The following RIC1 variants were observed in gnomAD, a reference collection of about 807,000 sequenced individuals.
RIC1 encodes the protein RIC1 partner of RAB6A GEF complex.
In RIC1, 88 loss-of-function variants were observed where a neutral mutation model predicts 169.0. The observed-to-expected ratio is 0.52, with a 90% CI of 0.44 to 0.62. The LOEUF (loss-of-function observed/expected upper bound fraction) is 0.62, where lower values mean the gene tolerates loss of function less well. Ranked by LOEUF, RIC1 falls within the 20% of genes least tolerant of loss-of-function variation. The pLI is 0.00. For missense variants in RIC1, 1,877 were observed against 1,725.5 expected, an observed-to-expected ratio of 1.09 and a Z score of -1.56; for synonymous variants, 790 against 601.5, an observed-to-expected ratio of 1.31 and a Z score of -4.59.
intron 6 of RIC1, among the ~76,000 whole-genome samples, chr9:5,725,672 T>C (rs1234954894): frequency 6.6e-6 from 1 of 152,224 alleles, no homozygotes; most frequent in Non-Finnish European, 1.5e-5. Flanking sequence ...TTTAGATCTT[T>C]CGTGCTTTCT....
At chr9:5,768,520 C>T (rs1033796633) in intron 21 of RIC1, among the ~76,000 whole-genome samples, 12 of 152,070 alleles carry the variant, frequency 7.9e-5, no homozygotes, top group African/African-American at 2.9e-4. Flanking sequence ...ATTGTGAAAC[C>T]TTGTCATTTA....
In RIC1 at chr9:5,763,945, A is replaced by C. The variant is rs1474750432; in HGVS notation, c.2841+77A>C. ...AAAAATAGAAATGTCCTGTTTTGACACCATGATTGTGTTTAAGGAATTCAT... is the reference window on the plus strand; with the variant it reads ...AAAAATAGAAATGTCCTGTTTTGACCCCATGATTGTGTTTAAGGAATTCAT... On this transcript the variant is annotated intron_variant, in intron 19 of 25. Coordinates refer to ENST00000414202, the MANE Select transcript of RIC1 (RefSeq NM_020829.4). The surrounding 1 kb of genome is among the most constrained non-coding windows in gnomAD (Gnocchi z 5.2). 7 of 1,452,954 alleles carry C rather than the reference A, an allele frequency of 4.8e-6. No individual in the cohort carries two copies. In the African/African-American group the frequency reaches 9.9e-5, roughly 21 times the overall value. 90.0% of individuals were successfully genotyped at this position (1,452,954 alleles called of 1,614,324 possible). A position where few individuals can be genotyped will look rare whatever the true frequency, so the allele number is the denominator to read the frequency against.
Position 5,691,778 on chromosome 9 carries a change from AAAC to A in RIC1, c.332+1746_332+1748del, listed in dbSNP as rs1196971136. ...CCTATAAATAAAAAGCAGTAATCAG[AAAC>A]AACAATTTAACTCCATTAATTTATG... On this transcript the variant is annotated intron_variant, in intron 3 of 25. Transcript: ENST00000414202. 4.6e-5 allele frequency among the ~76,000 whole-genome samples: 7 copies of A among 152,140 alleles called. No individual in the cohort carries two copies. In the South Asian group the frequency reaches 1.0e-3, roughly 23 times the overall value.
chr9:5,713,412 T>C (rs1167851161), intron 3 of RIC1: 1 of 152,394 alleles, frequency 6.6e-6, no homozygotes, highest in African/African-American at 2.4e-5. Flanking sequence ...CATCTCCTAA[T>C]TGCACCCTTG....
rs1240843850 is a variant in RIC1, at chr9:5,713,978, C to T, written c.415C>T (p.Leu139=). 3 of 1,612,040 alleles carry T rather than the reference C, an allele frequency of 1.9e-6. No homozygotes were observed. Among genetic ancestry groups the T allele is most frequent in the Non-Finnish European group, 2.5e-6 (3 of 1,178,794 alleles). ...ATTAAATTTGGAGATGAGGAAAATACTGGATTTACAAGCACCCATCATGAG... is the reference window on the plus strand; with the variant it reads ...ATTAAATTTGGAGATGAGGAAAATATTGGATTTACAAGCACCCATCATGAG... ...PALNLEMRKI[L]DLQAPIMSLQ... is the part of the protein sequence containing the mutation. The change falls in exon 4 of 26, where the codon CTG becomes TTG. Residue 139 remains leucine, a synonymous_variant. Coordinates refer to ENST00000414202, the MANE Select transcript of RIC1 (RefSeq NM_020829.4).
At chr9:5,746,153 T>C (rs1176140414) in intron 11 of RIC1, 70 bp downstream of exon 11, 12 of 1,228,190 alleles carry the variant, frequency 9.8e-6, no homozygotes, top group Non-Finnish European at 1.4e-5. Context: ...CTTTATGACA[T>C]ATGTATGGCG....
intron 1 of RIC1, among the ~76,000 whole-genome samples, chr9:5,644,610 A>G (rs555190610): frequency 6.6e-6 from 1 of 152,228 alleles, no homozygotes; most frequent in East Asian, 1.9e-4. Flanking sequence ...TTGTTGCTGA[A>G]TATTTTTCCA....
Position 5,745,928 on chromosome 9 carries a change from A to G in RIC1, c.1096-3A>G. 1.2e-6 allele frequency: 2 copies of G among 1,610,922 alleles called. No individual in the cohort carries two copies. Among genetic ancestry groups the G allele is most frequent in the Non-Finnish European group, 1.7e-6 (2 of 1,177,700 alleles). On this transcript the variant is annotated splice_region_variant and splice_polypyrimidine_tract_variant and intron_variant, in intron 10 of 25. Transcript: ENST00000414202. ...TTTTTTTCTCCCTCCTCTTCTCTCTAAGAGCTGGGGTGCAGAAGGCTATCA... is the reference window on the plus strand; with the variant it reads ...TTTTTTTCTCCCTCCTCTTCTCTCTGAGAGCTGGGGTGCAGAAGGCTATCA...
chr9:5,697,510 A>T (rs1284826259), intron 3 of RIC1, among the ~76,000 whole-genome samples: 1 of 152,226 alleles, frequency 6.6e-6, no homozygotes, highest in Non-Finnish European at 1.5e-5. Flanking sequence ...AACAATTTTC[A>T]GTCTTTTTCC....
intron 3 of RIC1, among the ~76,000 whole-genome samples, chr9:5,707,818 G>A (rs929046340): frequency 3.9e-5 from 6 of 152,036 alleles, no homozygotes; most frequent in East Asian, 1.9e-4. Context: ...TGGTTTATTC[G>A]AATCCATTCT....
intron 17 of RIC1, among the ~76,000 whole-genome samples, chr9:5,762,183 T>C (rs965693425): frequency 1.3e-5 from 2 of 152,242 alleles, no homozygotes; most frequent in African/African-American, 4.8e-5. Context: ...GTCTTCCTCA[T>C]CTGTCAGGTT....
intron 3 of RIC1, among the ~76,000 whole-genome samples, chr9:5,710,372 C>A (rs1362492191): frequency 6.6e-6 from 1 of 152,156 alleles, no homozygotes; most frequent in Non-Finnish European, 1.5e-5. Flanking sequence ...CCTCTTTACC[C>A]TGCTTGGCTC....
intron 12 of RIC1, among the ~76,000 whole-genome samples, chr9:5,751,968 T>A (rs1190341244): frequency 6.6e-6 from 1 of 152,250 alleles, no homozygotes; most frequent in Non-Finnish European, 1.5e-5. Context: ...AAAATAAATT[T>A]GAACAGATCG....
chr9:5,701,592 TA>T (rs113165668), intron 3 of RIC1, among the ~76,000 whole-genome samples: 52,522 of 143,538 alleles, frequency 0.37, 14,078 homozygotes, highest in African/African-American at 0.77. Flanking sequence ...AGACTCCATT[TA>T]AAAAAAAAAA....
At chr9:5,638,502 AC>A (rs928136438) in intron 1 of RIC1, among the ~76,000 whole-genome samples, 2 of 152,204 alleles carry the variant, frequency 1.3e-5, no homozygotes, top group African/African-American at 4.8e-5. Flanking sequence ...ACTTTTTATT[AC>A]AGGTTCAATC....
At chr9:5,759,128 AG>A in intron 17 of RIC1, among the ~76,000 whole-genome samples, 1 of 152,198 alleles carries the variant, frequency 6.6e-6, no homozygotes, top group Admixed American at 6.5e-5. Flanking sequence ...AATGGTAACC[AG>A]TTAGTCCTAA....
At chr9:5,759,739 G>A (rs1826216781) in intron 17 of RIC1, among the ~76,000 whole-genome samples, 1 of 152,116 alleles carries the variant, frequency 6.6e-6, no homozygotes, top group Non-Finnish European at 1.5e-5. Flanking sequence ...GAAGTAAAAT[G>A]GGTAGCATGT....
chr9:5,728,359 C>G (rs779464869), intron 6 of RIC1, among the ~76,000 whole-genome samples: 1 of 152,258 alleles, frequency 6.6e-6, no homozygotes. Context: ...AGGATATAAT[C>G]TCCTGGTGTG....
chr9:5,650,064 A>G (rs961150145), intron 1 of RIC1, among the ~76,000 whole-genome samples: 7 of 152,180 alleles, frequency 4.6e-5, no homozygotes, highest in African/African-American at 1.4e-4. Flanking sequence ...CTTGGGCACC[A>G]GTGGTGGCAG....
Sources: gnomAD v4.1 joint callset for allele counts (sites outside exome capture counted in the v4.1 genomes callset) on GRCh38, gnomAD v4.1.1 for gene constraint, Gnocchi (gnomAD v3.1) non-coding constraint, MANE v1.5 for transcripts, NCBI Gene and HGNC (gene_info 2026-07-23, HGNC 2026-07-21) for gene names.